The following NDST3 variants were observed in gnomAD, a reference collection of about 807,000 sequenced individuals.
The protein encoded by NDST3 is N-deacetylase and N-sulfotransferase 3.
NDST3 carries 58 observed loss-of-function variants against 96.1 expected under a neutral mutation model. The ratio of observed to expected loss-of-function variants is 0.60; its 90% CI spans 0.49 to 0.75. NDST3 has a LOEUF of 0.75. NDST3 is among the 30% of genes least tolerant of loss of function. The pLI, the probability that NDST3 is intolerant of heterozygous loss-of-function variation, is 0.00. For synonymous variants in NDST3, 333 were observed against 359.7 expected (o/e 0.93, Z 0.84); for missense variants, 788 against 1,034.2 (o/e 0.76, Z 3.27).
intron 2 of NDST3, among the ~76,000 whole-genome samples, chr4:118,063,639 A>C (rs2110472175): frequency 6.6e-6 from 1 of 152,278 alleles, no homozygotes; most frequent in South Asian, 2.1e-4. Context: ...TTACTCCCAA[A>C]ATAGGTAACA....
At chr4:118,051,536 A>G (rs1344564645) in intron 1 of NDST3, among the ~76,000 whole-genome samples, 1 of 152,154 alleles carries the variant, frequency 6.6e-6, no homozygotes, top group African/African-American at 2.4e-5. Flanking sequence ...TCCAGAGTCT[A>G]CAAGAAACTT....
chr4:118,131,652 T>C (rs1182882315), intron 4 of NDST3, among the ~76,000 whole-genome samples: 1 of 152,122 alleles, frequency 6.6e-6, no homozygotes, highest in Non-Finnish European at 1.5e-5. Context: ...TCTTGATGCT[T>C]GTAGATGTTC....
At chr4:118,098,271 T>C in intron 2 of NDST3, among the ~76,000 whole-genome samples, 1 of 151,998 alleles carries the variant, frequency 6.6e-6, no homozygotes, top group East Asian at 1.9e-4. Flanking sequence ...ATTATGTTTA[T>C]AGTAATATAT....
At chr4:118,057,701 T>C (rs1285296464) in intron 2 of NDST3, among the ~76,000 whole-genome samples, 1 of 152,140 alleles carries the variant, frequency 6.6e-6, no homozygotes, top group East Asian at 1.9e-4. Flanking sequence ...CACTGGGGAC[T>C]CTTGCATAAT....
In NDST3 at chr4:118,237,054, A is replaced by G. The variant is rs1740690256; in HGVS notation, c.1952A>G (p.Asp651Gly). 1.3e-6 allele frequency: 2 copies of G among 1,599,236 alleles called. No homozygotes were observed. Among genetic ancestry groups the G allele is most frequent in the Non-Finnish European group, 1.7e-6 (2 of 1,172,446 alleles). Residue 651 changes from aspartate (D) to glycine (G), a missense_variant, in exon 10 of 14, where the codon GAT becomes GGT. Physicochemically the swap from Asp to Gly is moderately conservative, Grantham distance 94. This residue lies in a region of NDST3 where 490 missense variants were observed against 708.8 expected (regional missense o/e 0.69). Transcript: ENST00000296499. ...AAATATTCCTTTTCTAGGTATATGG[A>G]TTTCTTCCCAGTCCCATCTAATGTC... ...NYHRGIDWYMDFFPVPSNVTT... is the reference protein window; with the variant it reads ...NYHRGIDWYMGFFPVPSNVTT...
intron 3 of NDST3, among the ~76,000 whole-genome samples, chr4:118,109,010 A>G (rs1367721610): frequency 3.9e-5 from 6 of 152,196 alleles, no homozygotes; most frequent in Non-Finnish European, 8.8e-5. Context: ...GCTTACAGGA[A>G]AGTTCTTCTA....
At chr4:118,197,320 T>G (rs1211399794) in intron 6 of NDST3, among the ~76,000 whole-genome samples, 1 of 117,398 alleles carries the variant, frequency 8.5e-6, no homozygotes, top group Non-Finnish European at 1.9e-5. Flanking sequence ...TTCTGCAGTC[T>G]TTGAAGGAAA....
intron 6 of NDST3, among the ~76,000 whole-genome samples, chr4:118,212,048 C>G (rs983522136): frequency 7.2e-5 from 11 of 152,100 alleles, no homozygotes; most frequent in African/African-American, 2.4e-4. Context: ...ATCAAACATC[C>G]CCTTAGGACA....
chr4:118,119,236 G>A (rs1162050488), intron 4 of NDST3, among the ~76,000 whole-genome samples: 1 of 152,040 alleles, frequency 6.6e-6, no homozygotes, highest in African/African-American at 2.4e-5. Flanking sequence ...AAACTTTTTA[G>A]ATTAGTGAGC....
At chr4:118,105,143 T>C in intron 3 of NDST3, 38 bp downstream of exon 3, 2 of 1,473,892 alleles carry the variant, frequency 1.4e-6, no homozygotes, top group Non-Finnish European at 9.5e-7. Flanking sequence ...TTAAGGCTTC[T>C]CTGATCACTC....
chr4:118,168,947 G>A (rs192725078), intron 6 of NDST3, among the ~76,000 whole-genome samples: 11 of 152,222 alleles, frequency 7.2e-5, no homozygotes, highest in Admixed American at 7.2e-4. Flanking sequence ...GCAGATAGTA[G>A]ATTTATGATT....
intron 2 of NDST3, among the ~76,000 whole-genome samples, chr4:118,083,773 G>A (rs866721829): frequency 1.3e-5 from 2 of 152,078 alleles, no homozygotes; most frequent in Non-Finnish European, 1.5e-5. Context: ...TGAGTGGACC[G>A]AGATTCAGAC....
intron 2 of NDST3, among the ~76,000 whole-genome samples, chr4:118,085,105 A>C (rs1012192321): frequency 4.9e-5 from 7 of 141,662 alleles, no homozygotes; most frequent in Non-Finnish European, 9.3e-5. Context: ...CCTGGGCGAC[A>C]GAGCGAGACT....
chr4:118,130,733 A>G (rs1216781367), intron 4 of NDST3, among the ~76,000 whole-genome samples: 1 of 152,134 alleles, frequency 6.6e-6, no homozygotes, highest in African/African-American at 2.4e-5. Flanking sequence ...AACTCCCTTT[A>G]GCATTTCTTA....
chr4:118,229,231 G>C (rs1228561827), intron 8 of NDST3, among the ~76,000 whole-genome samples: 1 of 152,202 alleles, frequency 6.6e-6, no homozygotes, highest in African/African-American at 2.4e-5. Context: ...AACCTGGGAG[G>C]CAGATGTTGC....
At chr4:118,082,445 A>G (rs1253035974) in intron 2 of NDST3, among the ~76,000 whole-genome samples, 1 of 152,214 alleles carries the variant, frequency 6.6e-6, no homozygotes, top group Non-Finnish European at 1.5e-5. Flanking sequence ...GGGTGATGTG[A>G]AGAGTGCCAG....
chr4:118,129,573 G>C (rs950700502), intron 4 of NDST3, among the ~76,000 whole-genome samples: 1 of 151,906 alleles, frequency 6.6e-6, no homozygotes, highest in South Asian at 2.1e-4. Context: ...TTAGATTTGT[G>C]TAAATGTTTT....
chr4:118,208,608 T>A lies in NDST3; in HGVS notation c.1540-15883T>A, dbSNP rs937132866. On this transcript the variant is annotated intron_variant, in intron 6 of 13. Transcript: ENST00000296499. ...TAGGCCCAGTCAAGCCCTAGTATAT[T>A]CTCTCTAATAAAGGAACAGTTCATG... Among the ~76,000 whole-genome samples, 21 of 144,020 alleles carry A rather than the reference T, an allele frequency of 1.5e-4. 5 individuals are homozygous for A. Among genetic ancestry groups the A allele is most frequent in the South Asian group, 4.7e-4 (2 of 4,272 alleles). The allele number at this position is 144,020 out of a possible 152,430, so 94.5% of individuals were successfully genotyped here.
At chr4:118,253,373 T>C (rs1741882505) in intron 12 of NDST3, 126 bp from the exon 13 acceptor site, 2 of 566,228 alleles carry the variant, frequency 3.5e-6, no homozygotes, top group Admixed American at 3.0e-5. Flanking sequence ...TCTCTGGTTA[T>C]AGATTGTTAT....
Sources: allele counts gnomAD v4.1 joint callset (sites outside exome capture counted in the v4.1 genomes callset), GRCh38; gene constraint gnomAD v4.1.1; regional missense constraint gnomAD v4.1.1; transcripts MANE v1.5; gene names NCBI Gene and HGNC (gene_info 2026-07-23, HGNC 2026-07-21).